Variants in HIBADH observed in about 807,000 individuals in gnomAD.
The protein encoded by HIBADH is 3-hydroxyisobutyrate dehydrogenase, mitochondrial.
In HIBADH, 25 loss-of-function variants were observed where a neutral mutation model predicts 36.1. That is an observed-to-expected ratio of 0.69 (90% CI 0.50 to 0.97). The LOEUF (loss-of-function observed/expected upper bound fraction) is 0.97, where lower values mean the gene tolerates loss of function less well. Among genes scored for constraint, HIBADH ranks in the 50% least tolerant of loss-of-function variants. HIBADH has a pLI of 0.00. For missense variants in HIBADH, 421 were observed against 418.0 expected, an observed-to-expected ratio of 1.01 and a Z score of -0.06; for synonymous variants, 160 against 149.5, an observed-to-expected ratio of 1.07 and a Z score of -0.51.
intron 1 of HIBADH, among the ~76,000 whole-genome samples, chr7:27,661,301 A>G (rs1237345785): frequency 1.3e-5 from 2 of 152,156 alleles, no homozygotes; most frequent in Admixed American, 6.5e-5. Flanking sequence ...ATTGTAAGAG[A>G]AAGTTCTTAC....
intron 4 of HIBADH, among the ~76,000 whole-genome samples, chr7:27,544,896 C>A (rs1784213533): frequency 6.6e-6 from 1 of 152,188 alleles, no homozygotes; most frequent in East Asian, 1.9e-4. Context: ...AAATAAGTTG[C>A]TTAAGCAAGA....
At chr7:27,559,392 C>T (rs1784434837) in intron 4 of HIBADH, among the ~76,000 whole-genome samples, 1 of 152,044 alleles carries the variant, frequency 6.6e-6, no homozygotes, top group Non-Finnish European at 1.5e-5. Flanking sequence ...GAGACCAAGG[C>T]AGGGGGATTG....
At chr7:27,603,494 G>A (rs1012179882) in intron 4 of HIBADH, among the ~76,000 whole-genome samples, 11 of 151,842 alleles carry the variant, frequency 7.2e-5, no homozygotes, top group Admixed American at 6.6e-4. Flanking sequence ...TATTACACAT[G>A]CAGATACAGT....
rs554791709 is a variant in HIBADH at position 27,581,140 on chromosome 7, C to T, written c.485-38040G>A. The stretch of plus-strand genomic sequence containing the variant: ...GACTAAGGAAATGAAGGGGAACTGT[C>T]AAGCAGCCCTAAGGGCCAACTTGGG... On this transcript the variant is annotated intron_variant, in intron 4 of 7. Coordinates refer to ENST00000265395, the MANE Select transcript of HIBADH (RefSeq NM_152740.4). 4.6e-5 allele frequency among the ~76,000 whole-genome samples: 7 copies of T among 152,220 alleles called. No homozygotes were observed. In the South Asian group the frequency reaches 1.5e-3, roughly 32 times the overall value.
At chr7:27,620,051 T>C (rs1785509703) in intron 4 of HIBADH, among the ~76,000 whole-genome samples, 1 of 152,240 alleles carries the variant, frequency 6.6e-6, no homozygotes, top group Non-Finnish European at 1.5e-5. Context: ...CAGGATATGG[T>C]AGCTCACTCC....
At chr7:27,528,890 G>A (rs1279029323) in intron 7 of HIBADH, among the ~76,000 whole-genome samples, 1 of 152,226 alleles carries the variant, frequency 6.6e-6, no homozygotes, top group African/African-American at 2.4e-5. Context: ...AAGCATCAAA[G>A]GACAGGCTAA....
intron 1 of HIBADH, 92 bp from the exon 2 acceptor site, chr7:27,649,725 T>G (rs1786144705): frequency 7.9e-7 from 1 of 1,262,762 alleles, no homozygotes; most frequent in African/African-American, 1.5e-5. Flanking sequence ...TTAGATTTTT[T>G]TTTTTTAATA....
At chr7:27,568,728 C>A (rs1195001011) in intron 4 of HIBADH, among the ~76,000 whole-genome samples, 1 of 152,126 alleles carries the variant, frequency 6.6e-6, no homozygotes, top group African/African-American at 2.4e-5. Context: ...ACTTTAGTCT[C>A]CCAAAGTGCT....
intron 6 of HIBADH, among the ~76,000 whole-genome samples, chr7:27,537,869 AACC>A (rs1200723735): frequency 2.2e-4 from 33 of 152,138 alleles, no homozygotes; most frequent in Non-Finnish European, 4.4e-5. Context: ...CCTGAGAATG[AACC>A]ACCAAGAACA....
At chr7:27,611,526 ACG>A in intron 4 of HIBADH, among the ~76,000 whole-genome samples, 1 of 151,598 alleles carries the variant, frequency 6.6e-6, no homozygotes, top group East Asian at 2.0e-4. Flanking sequence ...CCACCCACAC[ACG>A]TGTATGTATC....
chr7:27,573,896 C>T (rs931519035), intron 4 of HIBADH, among the ~76,000 whole-genome samples: 1 of 152,078 alleles, frequency 6.6e-6, no homozygotes, highest in Non-Finnish European at 1.5e-5. Flanking sequence ...AAAATGTATT[C>T]CTGAAATTAT....
chr7:27,620,007 A>G (rs1785509259), intron 4 of HIBADH, among the ~76,000 whole-genome samples: 1 of 152,196 alleles, frequency 6.6e-6, no homozygotes, highest in Non-Finnish European at 1.5e-5. Context: ...TCTTCACTAC[A>G]CATTTTAATC....
chr7:27,551,003 CAT>C (rs1273220214), intron 4 of HIBADH, among the ~76,000 whole-genome samples: 1 of 122,088 alleles, frequency 8.2e-6, no homozygotes, highest in African/African-American at 2.8e-5. Context: ...CAAACACACA[CAT>C]ACACATACAC....
At chr7:27,533,974 G>A (rs112405324) in intron 6 of HIBADH, among the ~76,000 whole-genome samples, 5 of 152,278 alleles carry the variant, frequency 3.3e-5, no homozygotes, top group African/African-American at 9.6e-5. Context: ...GATGTGGTTC[G>A]AGAGTGCATG....
chr7:27,543,225 A>G, intron 4 of HIBADH, 125 bp from the exon 5 acceptor site: 1 of 891,140 alleles, frequency 1.1e-6, no homozygotes, highest in Non-Finnish European at 1.7e-6. Context: ...TATGCCAGGC[A>G]TGTATAAGAT....
intron 4 of HIBADH, among the ~76,000 whole-genome samples, chr7:27,550,726 T>C (rs879806864): frequency 6.6e-6 from 1 of 152,180 alleles, no homozygotes; most frequent in Admixed American, 6.5e-5. Context: ...CAATGATTTT[T>C]CTGGTGTGTC....
Position 27,555,111 on chromosome 7 carries a change from C to T in HIBADH, c.485-12011G>A, listed in dbSNP as rs141062544. ...CCTTATTGAGCAGAAAAACACTCCTCTGGGAAGTAGTTTAAAAATTATTTT... is the reference window on the plus strand; with the variant it reads ...CCTTATTGAGCAGAAAAACACTCCTTTGGGAAGTAGTTTAAAAATTATTTT... On this transcript the variant is annotated intron_variant, in intron 4 of 7. Coordinates refer to ENST00000265395, the MANE Select transcript of HIBADH (RefSeq NM_152740.4). Among the ~76,000 whole-genome samples, 495 of 152,220 alleles carry T rather than the reference C, an allele frequency of 3.3e-3. 2 individuals are homozygous for T. Among genetic ancestry groups the T allele is most frequent in the Admixed American group, 7.1e-3 (109 of 15,290 alleles).
intron 4 of HIBADH, among the ~76,000 whole-genome samples, chr7:27,620,537 T>C (rs768033775): frequency 1.3e-5 from 2 of 151,064 alleles, no homozygotes; most frequent in Non-Finnish European, 2.9e-5. Flanking sequence ...CAGCCAAGAA[T>C]ACTGTATCCA....
chr7:27,623,961 C>A (rs1299159973), intron 4 of HIBADH, among the ~76,000 whole-genome samples: 1 of 152,116 alleles, frequency 6.6e-6, no homozygotes, highest in Admixed American at 6.5e-5. Flanking sequence ...CCGTGGCCAG[C>A]CAAATTTTTG....
Sources: gnomAD v4.1 joint callset for allele counts (sites outside exome capture counted in the v4.1 genomes callset) on GRCh38, gnomAD v4.1.1 for gene constraint, MANE v1.5 for transcripts, NCBI Gene and HGNC (gene_info 2026-07-23, HGNC 2026-07-21) for gene names.